The following RABGAP1 variants were observed in gnomAD, a reference collection of about 807,000 sequenced individuals.
RABGAP1 encodes the protein rab GTPase-activating protein 1.
A neutral mutation model predicts 137.6 loss-of-function variants in RABGAP1; 23 were observed. The observed-to-expected ratio is 0.17, with a 90% CI of 0.12 to 0.24. The LOEUF is 0.24. RABGAP1 is among the 10% of genes least tolerant of loss of function. RABGAP1 has a pLI of 1.00. For missense variants in RABGAP1, 906 were observed against 1,275.8 expected (o/e 0.71, Z 4.42); for synonymous variants, 451 against 450.7 (o/e 1.00, Z -0.01).
At chr9:123,092,511 G>A (rs901157599) in intron 21 of RABGAP1, among the ~76,000 whole-genome samples, 2 of 152,032 alleles carry the variant, frequency 1.3e-5, no homozygotes, top group Admixed American at 6.5e-5. Context: ...TTCAGTTGAA[G>A]GTACCCAGGA....
At chr9:122,944,900 T>C (rs1184418595) in intron 1 of RABGAP1, among the ~76,000 whole-genome samples, 3 of 152,026 alleles carry the variant, frequency 2.0e-5, no homozygotes, top group Non-Finnish European at 4.4e-5. Flanking sequence ...TTAGCAAGAC[T>C]ATACTTCAGG....
intron 10 of RABGAP1, among the ~76,000 whole-genome samples, chr9:123,002,045 G>A (rs901310689): frequency 6.6e-6 from 1 of 152,178 alleles, no homozygotes; most frequent in African/African-American, 2.4e-5. Flanking sequence ...TAGATGGTCT[G>A]TAATCCCAGC....
chr9:123,056,940 T>G (rs2033728781), intron 13 of RABGAP1, among the ~76,000 whole-genome samples: 1 of 152,228 alleles, frequency 6.6e-6, no homozygotes, highest in South Asian at 2.1e-4. Flanking sequence ...CCCTTTTCTA[T>G]TCCACAAAAC....
At chr9:123,033,477 G>T (rs752843254) in intron 13 of RABGAP1, 3 of 152,228 alleles carry the variant, frequency 2.0e-5, no homozygotes, top group Non-Finnish European at 4.4e-5. Flanking sequence ...GTGCAGTCTG[G>T]AAATCGGGGC....
At chr9:123,005,819 T>A (rs576042004) in intron 10 of RABGAP1, among the ~76,000 whole-genome samples, 1 of 152,368 alleles carries the variant, frequency 6.6e-6, no homozygotes, top group African/African-American at 2.4e-5. Context: ...GTACATATGC[T>A]ATTGTTATAT....
intron 10 of RABGAP1, among the ~76,000 whole-genome samples, chr9:123,007,794 C>T (rs2131863739): frequency 6.7e-6 from 1 of 150,306 alleles, no homozygotes; most frequent in African/African-American, 2.4e-5. Context: ...GGATGTCTTT[C>T]CATTTATTCA....
At chr9:123,088,725 C>T (rs1263084738) in intron 19 of RABGAP1, among the ~76,000 whole-genome samples, 2 of 152,072 alleles carry the variant, frequency 1.3e-5, no homozygotes, top group Non-Finnish European at 2.9e-5. Flanking sequence ...AGGTATGTTG[C>T]CCTTGGTTAT....
At chr9:123,026,005 CTTTTTTTTT>C (rs59188440) in intron 13 of RABGAP1, among the ~76,000 whole-genome samples, 1 of 117,200 alleles carries the variant, frequency 8.5e-6, no homozygotes, top group Admixed American at 8.6e-5. Context: ...AAAACATATT[CTTTTTTTTT>C]TTTTTTTTTG....
intron 13 of RABGAP1, chr9:123,035,761 T>G: frequency 1.8e-6 from 1 of 566,032 alleles, no homozygotes; most frequent in Admixed American, 3.4e-5. Flanking sequence ...GCATACAAAT[T>G]ATTCGTATGG....
At chr9:122,982,763 G>A (rs9409266) in intron 2 of RABGAP1, among the ~76,000 whole-genome samples, 94,893 of 152,032 alleles carry the variant, frequency 0.62, 36,769 homozygotes, top group Non-Finnish European at 0.86. Context: ...TAAGCTGGGC[G>A]TGGTGGCACT....
rs779477226 is a variant in RABGAP1 at position 123,101,753 on chromosome 9, G to A, written c.3077G>A (p.Cys1026Tyr). The change falls in exon 25 of 26, where the codon TGT becomes TAT. Residue 1026 changes from cysteine (C) to tyrosine (Y), a missense_variant. Physicochemically the swap from Cys to Tyr is radical, Grantham distance 194. This residue lies in a region of RABGAP1 where 193 missense variants were observed against 248.1 expected (regional missense o/e 0.78). Coordinates refer to ENST00000373647, the MANE Select transcript of RABGAP1 (RefSeq NM_012197.4). ...QTKLQLVEAE[C>Y]KIQDLEHHLG... The stretch of plus-strand genomic sequence containing the variant: ...AAACTCCAGCTGGTGGAGGCCGAGT[G>A]TAAGATACAGGTAACAGCAGCAGAG... The A allele has an allele frequency of 6.2e-7, 1 of 1,608,520 alleles. No homozygotes were observed.
intron 2 of RABGAP1, among the ~76,000 whole-genome samples, chr9:122,959,696 C>G (rs538282480): frequency 6.4e-4 from 97 of 152,302 alleles, no homozygotes; most frequent in Non-Finnish European, 7.6e-4. Flanking sequence ...CATATTGGTG[C>G]AGTGAAGAAG....
chr9:122,984,675 T>C lies in RABGAP1; in HGVS notation c.341T>C (p.Leu114Pro). 1 of 1,614,140 alleles carries C rather than the reference T, an allele frequency of 6.2e-7. No homozygotes were observed. The highest frequency in any genetic ancestry group is 8.5e-7 in the Non-Finnish European group (1 of 1,180,020). ...ATTAACCCTGTGCCATTAGTAGGGCTCCAAAAACCAGAGATGAGCCTACCA... is the reference window on the plus strand; with the variant it reads ...ATTAACCCTGTGCCATTAGTAGGGCCCCAAAAACCAGAGATGAGCCTACCA... ...STINPVPLVG[L>P]QKPEMSLPVK... Residue 114 changes from leucine to proline, a missense_variant, in exon 3 of 26, where the codon CTC becomes CCC. Transcript: ENST00000373647.
chr9:122,986,640 T>TA (rs1271722419), intron 4 of RABGAP1, among the ~76,000 whole-genome samples: 1 of 152,222 alleles, frequency 6.6e-6, no homozygotes, highest in Non-Finnish European at 1.5e-5. Flanking sequence ...GTGTAGTACA[T>TA]TAGGCATTTA....
At chr9:122,962,863 A>G (rs7046441) in intron 2 of RABGAP1, among the ~76,000 whole-genome samples, 8,488 of 152,254 alleles carry the variant, frequency 0.056, 768 homozygotes, top group African/African-American at 0.19. Flanking sequence ...AGAGATACAA[A>G]TAGATTTAAA....
At chr9:122,946,232 A>G (rs1436803323) in intron 1 of RABGAP1, 1 of 152,190 alleles carries the variant, frequency 6.6e-6, no homozygotes, top group Non-Finnish European at 1.5e-5. Flanking sequence ...CATAGAAAAG[A>G]CAAATTATAT....
intron 4 of RABGAP1, among the ~76,000 whole-genome samples, chr9:122,989,054 T>C (rs1458263712): frequency 1.3e-5 from 2 of 148,832 alleles, no homozygotes; most frequent in Non-Finnish European, 3.0e-5. Flanking sequence ...TTATTGATAT[T>C]GTTTATACCT....
chr9:123,007,354 C>T (rs965459328), intron 10 of RABGAP1, among the ~76,000 whole-genome samples: 4 of 145,462 alleles, frequency 2.7e-5, no homozygotes, highest in Admixed American at 6.9e-5. Context: ...GGATTATAGG[C>T]GTGAGCTACT....
In RABGAP1 at chr9:122,997,428, C is replaced by A. The variant is rs568122083; in HGVS notation, c.1204+67C>A. On this transcript the variant is annotated intron_variant, in intron 9 of 25. Coordinates refer to ENST00000373647, the MANE Select transcript of RABGAP1 (RefSeq NM_012197.4). Reference sequence around the variant, plus strand: ...CAAGAAGAGATGCAAAACTAAGGACCCCTTCTTTGACCAATATCCAGTGTT... The same window carrying A: ...CAAGAAGAGATGCAAAACTAAGGACACCTTCTTTGACCAATATCCAGTGTT... 4 of 1,160,066 alleles carry A rather than the reference C, an allele frequency of 3.4e-6. No individual in the cohort carries two copies. The East Asian group carries it at 7.7e-5, about 22-fold the overall frequency. The allele number at this position is 1,160,066 out of a possible 1,614,324, so 71.9% of individuals were successfully genotyped here. A position where few individuals can be genotyped will look rare whatever the true frequency, so the allele number is the denominator to read the frequency against.
Sources: gnomAD v4.1 joint callset for allele counts (sites outside exome capture counted in the v4.1 genomes callset) on GRCh38, gnomAD v4.1.1 for gene constraint, gnomAD v4.1.1 regional missense constraint, MANE v1.5 for transcripts, NCBI Gene and HGNC (gene_info 2026-07-23, HGNC 2026-07-21) for gene names.